The following ALPL variants were observed in gnomAD, a reference collection of about 807,000 sequenced individuals.
ALPL encodes alkaline phosphatase, tissue-nonspecific isozyme.
A neutral mutation model predicts 51.3 loss-of-function variants in ALPL; 42 were observed. The ratio of observed to expected loss-of-function variants is 0.82; its 90% CI spans 0.64 to 1.06. The LOEUF (loss-of-function observed/expected upper bound fraction) is 1.06, where lower values mean the gene tolerates loss of function less well. Ranked by LOEUF, ALPL falls within the 50% of genes least tolerant of loss-of-function variation. The pLI is 0.00. For synonymous variants in ALPL, 279 were observed against 296.4 expected, an observed-to-expected ratio of 0.94 and a Z score of 0.60; for missense variants, 589 against 709.4, an observed-to-expected ratio of 0.83 and a Z score of 1.93.
intron 1 of ALPL, among the ~76,000 whole-genome samples, chr1:21,539,717 C>A (rs567496538): frequency 6.6e-6 from 1 of 150,414 alleles, no homozygotes; most frequent in African/African-American, 2.5e-5. Context: ...TGCAGTGGCA[C>A]GATCACAGCT....
intron 1 of ALPL, among the ~76,000 whole-genome samples, chr1:21,532,642 C>G (rs1462008863): frequency 6.6e-6 from 1 of 152,250 alleles, no homozygotes; most frequent in Admixed American, 6.5e-5. Context: ...CAGCCTCATT[C>G]TCTGCCCCAC....
rs369943579 is a variant in ALPL, at chr1:21,522,270, T to C, written c.-105+12753T>C. ...TTGTATTTTTTAGTAGAGACAGGGT[T>C]TCACCATGTTAGCCAGGATGGTCTC... is the stretch of plus-strand genomic sequence containing the variant. On this transcript the variant is annotated intron_variant, in intron 1 of 11. Coordinates refer to ENST00000374840, the MANE Select transcript of ALPL (RefSeq NM_000478.6). 5.3e-5 allele frequency among the ~76,000 whole-genome samples: 8 copies of C among 152,222 alleles called. 1 individual carries two copies. Among genetic ancestry groups the C allele is most frequent in the African/African-American group, 1.9e-4 (8 of 41,542 alleles).
At chr1:21,567,733 T>C (rs753092900) in intron 6 of ALPL, among the ~76,000 whole-genome samples, 28 of 152,230 alleles carry the variant, frequency 1.8e-4, no homozygotes, top group Non-Finnish European at 4.0e-4. Context: ...CAGGGTTTAT[T>C]GCAGCCTTGG....
chr1:21,556,697 G>T (rs1644418611), intron 2 of ALPL, among the ~76,000 whole-genome samples: 1 of 152,140 alleles, frequency 6.6e-6, no homozygotes. Context: ...CCAGCACTTT[G>T]GGAGGCCGAG....
chr1:21,573,372 G>A (rs1441618537), intron 8 of ALPL, among the ~76,000 whole-genome samples: 1 of 151,428 alleles, frequency 6.6e-6, no homozygotes, highest in Non-Finnish European at 1.5e-5. Flanking sequence ...GGGAGGCAGA[G>A]GTTGCAGGGA....
chr1:21,568,033 C>T lies in ALPL; in HGVS notation c.649-71C>T, dbSNP rs1644591129. 4 of 1,608,782 alleles carry T rather than the reference C, an allele frequency of 2.5e-6. No homozygotes were observed. The African/African-American group carries it at 5.3e-5, about 22-fold the overall frequency. ...TCCAGGGACTCCAGGAGTCCAGGTT[C>T]CAAGCCGAGGTCACTGGGGCTTCTG... On this transcript the variant is annotated intron_variant, in intron 6 of 11. Transcript: ENST00000374840.
At chr1:21,552,114 T>C (rs1570247834) in intron 1 of ALPL, among the ~76,000 whole-genome samples, 97 of 51,382 alleles carry the variant, frequency 1.9e-3, no homozygotes, top group African/African-American at 2.1e-3. Context: ...TTTCCTCCCC[T>C]TCCCTTTCCT....
intron 2 of ALPL, among the ~76,000 whole-genome samples, chr1:21,555,186 C>G (rs191704297): frequency 0.015 from 2,293 of 151,770 alleles, 54 homozygotes; most frequent in African/African-American, 0.051. Flanking sequence ...AGTGGGGGAG[C>G]TTTTTGAGCC....
intron 6 of ALPL, among the ~76,000 whole-genome samples, chr1:21,567,013 G>A (rs1394133534): frequency 6.6e-6 from 1 of 152,226 alleles, no homozygotes; most frequent in Middle Eastern, 3.2e-3. Flanking sequence ...TCACGGCCAT[G>A]ACCATGGCCT....
rs111601456 is a variant in ALPL, at chr1:21,509,428, G to C, written c.-194G>C. On this transcript the variant is annotated 5_prime_UTR_variant, in exon 1 of 12. Coordinates refer to ENST00000374840, the MANE Select transcript of ALPL (RefSeq NM_000478.6). This position sits in a 1 kb window ranked among gnomAD's most constrained non-coding sequence, Gnocchi z 6.0. The stretch of plus-strand genomic sequence containing the variant: ...CGGCGGGGGTGGTGGCCCGGGCCGC[G>C]TTGCGCTCCCGCCACTCCGCGCCCG... 1 of 151,712 alleles carries C rather than the reference G, an allele frequency of 6.6e-6. No homozygotes were observed. Among genetic ancestry groups the C allele is most frequent in the African/African-American group, 2.4e-5 (1 of 41,366 alleles). The allele number at this position is 151,712 out of a possible 1,614,324, so 9.4% of individuals were successfully genotyped here.
chr1:21,560,195 C>T (rs973117188), intron 2 of ALPL, among the ~76,000 whole-genome samples: 2 of 152,242 alleles, frequency 1.3e-5, no homozygotes, highest in African/African-American at 2.4e-5. Flanking sequence ...CAGGGGACCC[C>T]TTCTGCTGGA....
intron 2 of ALPL, among the ~76,000 whole-genome samples, chr1:21,557,520 G>A (rs1644429207): frequency 6.6e-6 from 1 of 152,216 alleles, no homozygotes; most frequent in Non-Finnish European, 1.5e-5. Flanking sequence ...GGTGAAAGAT[G>A]AACTAATGGA....
Position 21,530,495 on chromosome 1 carries a change from A to G in ALPL, c.-105+20978A>G, listed in dbSNP as rs145261483. ...GTTCCAATGAGTCCAAGGAGACGAC[A>G]TTGCCAGGACGGGAATCCCTGGACA... is the stretch of plus-strand genomic sequence containing the variant. On this transcript the variant is annotated intron_variant, in intron 1 of 11. Transcript: ENST00000374840. 2.6e-4 allele frequency among the ~76,000 whole-genome samples: 40 copies of G among 152,272 alleles called. No individual in the cohort carries two copies. The South Asian group carries it at 4.6e-3, about 17-fold the overall frequency.
intron 7 of ALPL, among the ~76,000 whole-genome samples, chr1:21,568,738 A>G (rs972493686): frequency 2.0e-5 from 3 of 152,082 alleles, no homozygotes; most frequent in African/African-American, 4.8e-5. Flanking sequence ...GGTTGGCCCC[A>G]GTGTGCAAGC....
At chr1:21,536,202 C>G (rs982178321) in intron 1 of ALPL, among the ~76,000 whole-genome samples, 1 of 152,204 alleles carries the variant, frequency 6.6e-6, no homozygotes, top group Non-Finnish European at 1.5e-5. Flanking sequence ...TTCTGTAATT[C>G]TAGAAGTTTA....
intron 1 of ALPL, among the ~76,000 whole-genome samples, chr1:21,515,783 C>T (rs757286639): frequency 6.6e-6 from 1 of 152,228 alleles, no homozygotes; most frequent in East Asian, 1.9e-4. Flanking sequence ...AGCTCTCAGG[C>T]TGACGTTCTC....
intron 1 of ALPL, among the ~76,000 whole-genome samples, chr1:21,545,383 C>T (rs182855583): frequency 2.0e-5 from 3 of 152,210 alleles, no homozygotes; most frequent in East Asian, 1.9e-4. Flanking sequence ...CTCCGCCACC[C>T]GGGTTCAAGC....
chr1:21,569,772 G>C lies in ALPL; in HGVS notation c.793-533G>C, dbSNP rs552075564. Reference sequence around the variant, plus strand: ...TGCCCTCTCCAGGCCTGGCCTAGCTGGCTTCTTTCTGTGGACTTTATTCCC... The same window carrying C: ...TGCCCTCTCCAGGCCTGGCCTAGCTCGCTTCTTTCTGTGGACTTTATTCCC... On this transcript the variant is annotated intron_variant, in intron 7 of 11. Transcript: ENST00000374840. Among the ~76,000 whole-genome samples, 4 of 152,288 alleles carry C rather than the reference G, an allele frequency of 2.6e-5. No individual in the cohort carries two copies. In the South Asian group the frequency reaches 8.3e-4, roughly 32 times the overall value.
intron 1 of ALPL, among the ~76,000 whole-genome samples, chr1:21,524,032 C>T (rs1315416495): frequency 7.9e-6 from 1 of 126,560 alleles, no homozygotes; most frequent in Non-Finnish European, 1.6e-5. Flanking sequence ...GACATGGAGT[C>T]TCGCTCTGTC....
Sources: allele counts gnomAD v4.1 joint callset (sites outside exome capture counted in the v4.1 genomes callset), GRCh38; gene constraint gnomAD v4.1.1; non-coding constraint Gnocchi (gnomAD v3.1); transcripts MANE v1.5; gene names NCBI Gene and HGNC (gene_info 2026-07-23, HGNC 2026-07-21).